PHF21A: variants seen among roughly 807,000 people sequenced by gnomAD.
PHF21A encodes BHC80a.
In PHF21A, 11 loss-of-function variants were observed where a neutral mutation model predicts 82.5. The observed-to-expected ratio is 0.13, with a 90% CI of 0.08 to 0.22. The LOEUF (loss-of-function observed/expected upper bound fraction) is 0.22, where lower values mean the gene tolerates loss of function less well. Ranked by LOEUF, PHF21A falls within the 10% of genes least tolerant of loss-of-function variation. The pLI is 1.00. For synonymous variants in PHF21A, 297 were observed against 302.8 expected, an observed-to-expected ratio of 0.98 and a Z score of 0.20; for missense variants, 579 against 837.8, an observed-to-expected ratio of 0.69 and a Z score of 3.81.
chr11:46,055,877 A>T (rs2096447952), intron 6 of PHF21A, among the ~76,000 whole-genome samples: 1 of 152,178 alleles, frequency 6.6e-6, no homozygotes, highest in South Asian at 2.1e-4. Flanking sequence ...GGCAAATTGA[A>T]TAGTTTTGTT....
In PHF21A at chr11:46,111,487, T is replaced by A. The variant is rs540772500; in HGVS notation, c.-237+9448A>T. Among the ~76,000 whole-genome samples the A allele has an allele frequency of 5.7e-3, 869 of 151,924 alleles. 4 individuals are homozygous for A. The highest frequency in any genetic ancestry group is 8.8e-3 in the Non-Finnish European group (600 of 67,946). On this transcript the variant is annotated intron_variant, in intron 1 of 18. Coordinates refer to ENST00000676320, the MANE Select transcript of PHF21A (RefSeq NM_001352027.3). ...CAAGACTCCGTCTCAAATAAATAAA[T>A]AAATAAATAAATAAAACTAAAGGCA... is the stretch of plus-strand genomic sequence containing the variant.
intron 6 of PHF21A, among the ~76,000 whole-genome samples, chr11:46,028,745 T>C (rs761930119): frequency 1.3e-5 from 2 of 152,128 alleles, no homozygotes; most frequent in Non-Finnish European, 2.9e-5. Context: ...AGCTAATTTC[T>C]GTATTTTTAG....
At chr11:46,026,743 G>T (rs1026222512) in intron 6 of PHF21A, 2 of 152,128 alleles carry the variant, frequency 1.3e-5, no homozygotes, top group Non-Finnish European at 2.9e-5. Flanking sequence ...CTTGGCAATC[G>T]TTATTGTCTA....
chr11:46,054,688 C>T (rs1031406191), intron 6 of PHF21A, among the ~76,000 whole-genome samples: 1 of 152,182 alleles, frequency 6.6e-6, no homozygotes, highest in Non-Finnish European at 1.5e-5. Flanking sequence ...TATACTCTCA[C>T]TAATATGCCA....
At position 45,974,418 on chromosome 11, in the gene PHF21A, A is replaced by AATTATTATT. The variant is rs59807950; in HGVS notation, c.361-3060_361-3052dup. ...TAGAGAAGAAAGGTGTCAAACGACAAATTATTATTATTATTATTATTATTA... is the reference window on the plus strand; with the variant it reads ...TAGAGAAGAAAGGTGTCAAACGACAAATTATTATTATTATTATTATTATTATTATTATTA... On this transcript the variant is annotated intron_variant, in intron 7 of 18. Coordinates refer to ENST00000676320, the MANE Select transcript of PHF21A (RefSeq NM_001352027.3). Among the ~76,000 whole-genome samples the AATTATTATT allele has an allele frequency of 1.0e-2, 1,472 of 147,316 alleles. 27 individuals carry two copies. The highest frequency in any genetic ancestry group is 0.031 in the African/African-American group (1,241 of 40,038).
At chr11:46,002,394 T>C (rs1162161223) in intron 6 of PHF21A, among the ~76,000 whole-genome samples, 3 of 152,324 alleles carry the variant, frequency 2.0e-5, no homozygotes, top group African/African-American at 7.2e-5. Flanking sequence ...ATTTGTAACT[T>C]TACTACAATT....
intron 1 of PHF21A, among the ~76,000 whole-genome samples, chr11:46,115,986 A>G (rs955365592): frequency 6.6e-6 from 1 of 152,130 alleles, no homozygotes; most frequent in African/African-American, 2.4e-5. Context: ...CACAGAAGCA[A>G]GTTTCTATAT....
intron 1 of PHF21A, among the ~76,000 whole-genome samples, chr11:46,097,416 G>C (rs948019957): frequency 6.6e-6 from 1 of 152,066 alleles, no homozygotes; most frequent in Non-Finnish European, 1.5e-5. Context: ...AGACCCTCCA[G>C]GCAAGTTCCC....
At chr11:46,059,840 C>T (rs962668611) in intron 6 of PHF21A, among the ~76,000 whole-genome samples, 2 of 152,094 alleles carry the variant, frequency 1.3e-5, no homozygotes, top group Non-Finnish European at 2.9e-5. Flanking sequence ...AATTCTCCTG[C>T]CTCAGCCTCC....
chr11:45,936,647 C>T (rs879120872), intron 16 of PHF21A, 78 bp from the exon 17 acceptor site: 6 of 904,770 alleles, frequency 6.6e-6, no homozygotes, highest in South Asian at 5.4e-5. Flanking sequence ...GCAGTGGTAT[C>T]TGTGGCTACT....
At chr11:45,981,437 T>A (rs1257652944) in intron 6 of PHF21A, among the ~76,000 whole-genome samples, 3 of 143,788 alleles carry the variant, frequency 2.1e-5, no homozygotes, top group Non-Finnish European at 4.5e-5. Flanking sequence ...GCTCAGTAAA[T>A]GTCCTTGTTC....
intron 5 of PHF21A, among the ~76,000 whole-genome samples, chr11:46,077,065 A>G (rs1016031378): frequency 2.6e-5 from 4 of 152,230 alleles, no homozygotes; most frequent in Non-Finnish European, 5.9e-5. Context: ...GAAGTTTTAT[A>G]TTTGAGCATC....
chr11:45,937,405 C>T (rs1218713956), intron 16 of PHF21A, among the ~76,000 whole-genome samples: 2 of 152,158 alleles, frequency 1.3e-5, no homozygotes, highest in Admixed American at 6.5e-5. Context: ...TATAAAATAT[C>T]GACAGCACTT....
At chr11:46,061,181 C>T (rs924829896) in intron 6 of PHF21A, among the ~76,000 whole-genome samples, 3 of 152,118 alleles carry the variant, frequency 2.0e-5, no homozygotes, top group Non-Finnish European at 4.4e-5. Flanking sequence ...GTTTTTGTAC[C>T]AGTACCATGC....
chr11:46,027,875 T>A (rs1291725598), intron 6 of PHF21A, among the ~76,000 whole-genome samples: 8 of 152,208 alleles, frequency 5.3e-5, no homozygotes, highest in South Asian at 2.1e-4. Context: ...ACATAGAAAA[T>A]TCTTATTTGA....
At chr11:45,985,553 A>G (rs2094461838) in intron 6 of PHF21A, among the ~76,000 whole-genome samples, 1 of 152,326 alleles carries the variant, frequency 6.6e-6, no homozygotes, top group East Asian at 1.9e-4. Flanking sequence ...AAGACACAGG[A>G]TAGAATTCTA....
chr11:46,007,128 C>A (rs1016529102), intron 6 of PHF21A, among the ~76,000 whole-genome samples: 1 of 152,124 alleles, frequency 6.6e-6, no homozygotes, highest in Non-Finnish European at 1.5e-5. Context: ...CCAACCATAA[C>A]GTGACGAGAC....
intron 6 of PHF21A, among the ~76,000 whole-genome samples, chr11:46,042,222 C>A (rs1592383246): frequency 6.6e-6 from 1 of 152,136 alleles, no homozygotes; most frequent in Non-Finnish European, 1.5e-5. Flanking sequence ...GGGAAAGCCA[C>A]ATGACAAAAC....
chr11:46,055,954 G>A (rs1027118208), intron 6 of PHF21A, among the ~76,000 whole-genome samples: 2 of 152,120 alleles, frequency 1.3e-5, no homozygotes, highest in African/African-American at 4.8e-5. Flanking sequence ...ACAAAGAACT[G>A]CTGCCACCAG....
Sources: gnomAD v4.1 joint callset for allele counts (sites outside exome capture counted in the v4.1 genomes callset) on GRCh38, gnomAD v4.1.1 for gene constraint, MANE v1.5 for transcripts, NCBI Gene and HGNC (gene_info 2026-07-23, HGNC 2026-07-21) for gene names.